HS6ST3: variants seen among roughly 807,000 people sequenced by gnomAD.
The protein encoded by HS6ST3 is heparan-sulfate 6-O-sulfotransferase 3.
HS6ST3 carries 12 observed loss-of-function variants against 36.7 expected under a neutral mutation model. That is an observed-to-expected ratio of 0.33 (90% CI 0.21 to 0.53). The LOEUF (loss-of-function observed/expected upper bound fraction) is 0.53. HS6ST3 is among the 20% of genes least tolerant of loss of function. HS6ST3 has a pLI of 0.95. For synonymous variants in HS6ST3, 240 were observed against 257.5 expected (o/e 0.93, Z 0.65); for missense variants, 584 against 640.9 (o/e 0.91, Z 0.96).
chr13:96,667,393 T>TA (rs533870265), intron 1 of HS6ST3, among the ~76,000 whole-genome samples: 1 of 152,124 alleles, frequency 6.6e-6, no homozygotes, highest in Admixed American at 6.6e-5. Flanking sequence ...AGTTATAGGA[T>TA]AAAAAAAGCC....
chr13:96,731,007 G>A (rs939169490), intron 1 of HS6ST3, among the ~76,000 whole-genome samples: 6 of 152,106 alleles, frequency 3.9e-5, no homozygotes, highest in Non-Finnish European at 5.9e-5. Context: ...GCAACATGAT[G>A]TTTTGAAGTA....
chr13:96,307,737 T>A (rs1367899388), intron 1 of HS6ST3, among the ~76,000 whole-genome samples: 2 of 152,054 alleles, frequency 1.3e-5, no homozygotes, highest in African/African-American at 4.8e-5. Context: ...AAGAACAAAT[T>A]CCTATTTCAT....
chr13:96,103,891 G>T (rs526702), intron 1 of HS6ST3, among the ~76,000 whole-genome samples: 1 of 151,414 alleles, frequency 6.6e-6, no homozygotes, highest in South Asian at 2.1e-4. Flanking sequence ...TAAGTCTTTC[G>T]CTTAGACCAT....
chr13:96,599,488 A>T (rs1465741857), intron 1 of HS6ST3, among the ~76,000 whole-genome samples: 1 of 151,794 alleles, frequency 6.6e-6, no homozygotes, highest in Non-Finnish European at 1.5e-5. Context: ...TAATGTCTTC[A>T]TTTTAATTTC....
At chr13:96,176,373 A>C (rs1251921728) in intron 1 of HS6ST3, among the ~76,000 whole-genome samples, 1 of 152,182 alleles carries the variant, frequency 6.6e-6, no homozygotes, top group African/African-American at 2.4e-5. Context: ...TATTCTAGAT[A>C]ATAAATGGAG....
At chr13:96,531,786 A>G (rs1157366412) in intron 1 of HS6ST3, among the ~76,000 whole-genome samples, 1 of 152,216 alleles carries the variant, frequency 6.6e-6, no homozygotes, top group East Asian at 1.9e-4. Context: ...GAAGTCAAGT[A>G]GCTGATATGT....
chr13:96,451,531 C>CAAG (rs2055728322), intron 1 of HS6ST3, among the ~76,000 whole-genome samples: 1 of 152,170 alleles, frequency 6.6e-6, no homozygotes, highest in African/African-American at 2.4e-5. Flanking sequence ...ATTCTCTGCT[C>CAAG]AAGCCTCATT....
At chr13:96,737,348 G>A (rs1469899866) in intron 1 of HS6ST3, among the ~76,000 whole-genome samples, 2 of 152,050 alleles carry the variant, frequency 1.3e-5, no homozygotes, top group African/African-American at 4.8e-5. Flanking sequence ...TATTTTGGCC[G>A]GGCGCGGTGG....
intron 1 of HS6ST3, among the ~76,000 whole-genome samples, chr13:96,318,915 G>C (rs569249271): frequency 6.6e-6 from 1 of 152,166 alleles, no homozygotes; most frequent in Admixed American, 6.5e-5. Context: ...ATTCACAAAG[G>C]AAAATGTTAA....
At chr13:96,656,732 A>C (rs1006400587) in intron 1 of HS6ST3, among the ~76,000 whole-genome samples, 2 of 152,106 alleles carry the variant, frequency 1.3e-5, no homozygotes, top group African/African-American at 2.4e-5. Context: ...GGAATCCTTC[A>C]ATGAATTGGC....
chr13:96,597,894 T>G (rs537032641), intron 1 of HS6ST3, among the ~76,000 whole-genome samples: 5 of 152,254 alleles, frequency 3.3e-5, no homozygotes, highest in Admixed American at 2.0e-4. Context: ...GGCACATGGC[T>G]ATTTAATTTT....
chr13:96,327,337 A>G (rs1198832832), intron 1 of HS6ST3, among the ~76,000 whole-genome samples: 1 of 152,016 alleles, frequency 6.6e-6, no homozygotes, highest in Admixed American at 6.5e-5. Flanking sequence ...TCTTTAATCC[A>G]TCTTCAATTG....
intron 1 of HS6ST3, among the ~76,000 whole-genome samples, chr13:96,240,492 A>T (rs1255629596): frequency 6.6e-6 from 1 of 152,142 alleles, no homozygotes; most frequent in East Asian, 1.9e-4. Flanking sequence ...TAAGTTAGGG[A>T]TGAGGGAAGT....
chr13:96,330,721 C>G (rs1228549480), intron 1 of HS6ST3, among the ~76,000 whole-genome samples: 1 of 146,934 alleles, frequency 6.8e-6, no homozygotes. Context: ...TGAATCTGAA[C>G]GTTGGCCTAC....
intron 1 of HS6ST3, among the ~76,000 whole-genome samples, chr13:96,662,124 G>A (rs1238943985): frequency 6.6e-6 from 1 of 152,090 alleles, no homozygotes; most frequent in Admixed American, 6.6e-5. Context: ...AGTCTCTTGT[G>A]TCTGAATATC....
intron 1 of HS6ST3, among the ~76,000 whole-genome samples, chr13:96,228,278 A>G (rs1252430865): frequency 1.3e-5 from 2 of 152,178 alleles, no homozygotes; most frequent in Non-Finnish European, 2.9e-5. Context: ...AGTTTTTCTG[A>G]GACAGAGTCT....
chr13:96,691,498 T>C (rs1462204555), intron 1 of HS6ST3, among the ~76,000 whole-genome samples: 1 of 152,118 alleles, frequency 6.6e-6, no homozygotes, highest in Non-Finnish European at 1.5e-5. Context: ...GATGGCAATA[T>C]TGGTCCAGCA....
At chr13:96,788,946 A>G (rs1168791834) in intron 1 of HS6ST3, among the ~76,000 whole-genome samples, 2 of 151,770 alleles carry the variant, frequency 1.3e-5, no homozygotes, top group Non-Finnish European at 3.0e-5. Flanking sequence ...TATAGGTAGC[A>G]TATAATTGGA....
At chr13:96,336,179 G>A (rs1254952641) in intron 1 of HS6ST3, among the ~76,000 whole-genome samples, 1 of 151,988 alleles carries the variant, frequency 6.6e-6, no homozygotes, top group Admixed American at 6.6e-5. Flanking sequence ...CTTAAAAAAG[G>A]ACAACTAGTT....
Sources: gnomAD v4.1 joint callset for allele counts (sites outside exome capture counted in the v4.1 genomes callset) on GRCh38, gnomAD v4.1.1 for gene constraint, MANE v1.5 for transcripts, NCBI Gene and HGNC (gene_info 2026-07-23, HGNC 2026-07-21) for gene names.